The following GMNC variants were observed in gnomAD, a reference collection of about 807,000 sequenced individuals.
The protein encoded by GMNC is geminin coiled-coil domain containing.
Under a neutral mutation model 33.6 loss-of-function variants are expected in GMNC, and 16 were observed. That is an observed-to-expected ratio of 0.48 (90% confidence interval 0.32 to 0.72). GMNC has a LOEUF of 0.72. Among genes scored for constraint, GMNC ranks in the 30% least tolerant of loss-of-function variants. GMNC has a pLI of 0.03. For synonymous variants in GMNC, 156 were observed against 147.3 expected, an observed-to-expected ratio of 1.06 and a Z score of -0.43; for missense variants, 393 against 388.9, an observed-to-expected ratio of 1.01 and a Z score of -0.09.
chr3:190,852,512 C>A (rs1180223116), downstream of GMNC, among the ~76,000 whole-genome samples: 7 of 151,960 alleles, frequency 4.6e-5, no homozygotes, highest in African/African-American at 1.7e-4. Flanking sequence ...GAAAATTTAA[C>A]AAATTGATAC....
At position 190,862,362 on chromosome 3, in the gene GMNC, AAG is replaced by A. The variant is rs371567527; in HGVS notation, c.3+249_3+250del. 1.1e-4 allele frequency among the ~76,000 whole-genome samples: 16 copies of A among 147,546 alleles called. No homozygotes were observed. Among genetic ancestry groups the A allele is most frequent in the Non-Finnish European group, 1.8e-4 (12 of 66,146 alleles). Reference sequence around the variant, plus strand: ...AAGTAAGGAAAGTAGTAATAACAGAAAGAGAGAGAGAGGGCGAGAGAGAGAAA... The same window carrying A: ...AAGTAAGGAAAGTAGTAATAACAGAAAGAGAGAGAGGGCGAGAGAGAGAAA... On this transcript the variant is annotated intron_variant, in intron 1 of 4. Transcript: ENST00000442080. The surrounding 1 kb of genome is among the most constrained non-coding windows in gnomAD (Gnocchi z 4.5).
chr3:190,859,079 T>G, intron 2 of GMNC, 63 bp from the exon 3 acceptor site: 1 of 1,014,838 alleles, frequency 9.9e-7, no homozygotes, highest in Non-Finnish European at 1.5e-6. Flanking sequence ...ATAAAGAAAC[T>G]TATCAAATCA....
At position 190,855,235 on chromosome 3, in the gene GMNC, T is replaced by G. The variant is rs530281164; in HGVS notation, c.*60A>C. The G allele has an allele frequency of 1.1e-4, 159 of 1,493,454 alleles. 1 individual carries two copies. In the South Asian group the frequency reaches 2.0e-3, roughly 19 times the overall value. 92.5% of individuals were successfully genotyped at this position (1,493,454 alleles called of 1,614,324 possible). A position where few individuals can be genotyped will look rare whatever the true frequency, so the allele number is the denominator to read the frequency against. On this transcript the variant is annotated 3_prime_UTR_variant, in exon 5 of 5. Coordinates refer to ENST00000442080, the MANE Select transcript of GMNC (RefSeq NM_001146686.3). ...TGTGTTCCACATAGTCAAATTCAAG[T>G]GCAAGAGAGGTCTTTGTAAACAGAG... is the stretch of plus-strand genomic sequence containing the variant.
At chr3:190,858,724 C>G (rs528348142) in intron 3 of GMNC, among the ~76,000 whole-genome samples, 1 of 152,204 alleles carries the variant, frequency 6.6e-6, no homozygotes, top group Non-Finnish European at 1.5e-5. Flanking sequence ...GAGAGCTTGA[C>G]TGCAGGCCTT....
chr3:190,859,266 A>C (rs1490345165), intron 2 of GMNC, among the ~76,000 whole-genome samples: 3 of 152,336 alleles, frequency 2.0e-5, no homozygotes, highest in Non-Finnish European at 2.9e-5. Context: ...AAGGGGTCAC[A>C]TTCTTGCCTA....
chr3:190,861,293 A>G lies in GMNC; in HGVS notation c.4-435T>C, dbSNP rs912620882. 6.6e-6 allele frequency among the ~76,000 whole-genome samples: 1 copy of G among 152,242 alleles called. No homozygotes were observed. The highest frequency in any genetic ancestry group is 1.5e-5 in the Non-Finnish European group (1 of 68,040). On this transcript the variant is annotated intron_variant, in intron 1 of 4. Transcript: ENST00000442080. The surrounding 1 kb of genome is among the most constrained non-coding windows in gnomAD (Gnocchi z 5.1). ...AAAACTCCTGAAGGACAAAGAACGC[A>G]GAATGCTAAAGCTGAAATGGATGTG... is the stretch of plus-strand genomic sequence containing the variant.
At chr3:190,858,830 T>C (rs1737803101) in intron 3 of GMNC, 98 bp downstream of exon 3, 2 of 671,718 alleles carry the variant, frequency 3.0e-6, no homozygotes, top group African/African-American at 1.8e-5. Flanking sequence ...CTAAACTGAG[T>C]CAGCATGAAT....
rs11378580 is a variant in GMNC at position 190,861,455 on chromosome 3, CATCTATCTATCTATCTATCTATCT to C, written c.4-621_4-598del. On this transcript the variant is annotated intron_variant, in intron 1 of 4. Coordinates refer to ENST00000442080, the MANE Select transcript of GMNC (RefSeq NM_001146686.3). The surrounding 1 kb of genome is among the most constrained non-coding windows in gnomAD (Gnocchi z 5.1). The stretch of plus-strand genomic sequence containing the variant: ...TCTGTCTGTCTGTCTGTCTGCCTAT[CATCTATCTATCTATCTATCTATCT>C]ATCTATCTATCTATCTATCTATCTA... 9.6e-5 allele frequency among the ~76,000 whole-genome samples: 14 copies of C among 146,006 alleles called. No homozygotes were observed. Among genetic ancestry groups the C allele is most frequent in the East Asian group, 8.2e-4 (4 of 4,900 alleles).
intron 2 of GMNC, among the ~76,000 whole-genome samples, chr3:190,860,043 A>T (rs945611896): frequency 6.6e-6 from 1 of 152,236 alleles, no homozygotes; most frequent in Non-Finnish European, 1.5e-5. Context: ...AGCAGAACCA[A>T]CAGTATGGAT....
chr3:190,849,772 A>G (rs140240940), downstream of GMNC, among the ~76,000 whole-genome samples: 20 of 152,334 alleles, frequency 1.3e-4, no homozygotes, highest in Non-Finnish European at 2.4e-4. Context: ...GTGAGGATAG[A>G]CTGACTCCAG....
chr3:190,862,574 G>A lies in GMNC; in HGVS notation c.3+39C>T. The A allele has an allele frequency of 6.7e-7, 1 of 1,492,600 alleles. No individual in the cohort carries two copies. The highest frequency in any genetic ancestry group is 9.2e-7 in the Non-Finnish European group (1 of 1,092,724). 92.5% of individuals were successfully genotyped at this position (1,492,600 alleles called of 1,614,324 possible). ...AGCTTATTAACTTTCAGAGACCCAA[G>A]TTTGCCAGCGGACTAGCTAACGCCA... is the stretch of plus-strand genomic sequence containing the variant. On this transcript the variant is annotated intron_variant, in intron 1 of 4. Transcript: ENST00000442080. This position sits in a 1 kb window ranked among gnomAD's most constrained non-coding sequence, Gnocchi z 4.5.
Position 190,861,605 on chromosome 3 carries a change from GT to G in GMNC, c.4-748del, listed in dbSNP as rs1737873149. On this transcript the variant is annotated intron_variant, in intron 1 of 4. Coordinates refer to ENST00000442080, the MANE Select transcript of GMNC (RefSeq NM_001146686.3). This position sits in a 1 kb window ranked among gnomAD's most constrained non-coding sequence, Gnocchi z 5.1. ...AAACGTATAATCAAAGCTGAAAGAAGTTCGTTAGCAAAGACAGCAAGCTCTA... is the reference window on the plus strand; with the variant it reads ...AAACGTATAATCAAAGCTGAAAGAAGTCGTTAGCAAAGACAGCAAGCTCTA... Among the ~76,000 whole-genome samples the G allele has an allele frequency of 6.6e-6, 1 of 152,148 alleles. No homozygotes were observed. The highest frequency in any genetic ancestry group is 2.1e-4 in the South Asian group (1 of 4,834).
rs201469606 is a variant in GMNC, at chr3:190,860,800, G to C, written c.62C>G (p.Pro21Arg). 27 of 1,551,268 alleles carry C rather than the reference G, an allele frequency of 1.7e-5. No individual in the cohort carries two copies. Among genetic ancestry groups the C allele is most frequent in the Non-Finnish European group, 2.3e-5 (26 of 1,146,826 alleles). Reference sequence around the variant, plus strand: ...AGATTCTGACGTTGTAGTGGAATACGGGCAATTATAGCTCTGGCCTCCTAC... The same window carrying C: ...AGATTCTGACGTTGTAGTGGAATACCGGCAATTATAGCTCTGGCCTCCTAC... Reference protein sequence around the residue: ...YFVGGQSYNCPYSTTTSESSV... With the variant: ...YFVGGQSYNCRYSTTTSESSV... Residue 21 changes from proline (P) to arginine (R), a missense_variant, in exon 2 of 5, where the codon CCG (proline) becomes CGG (arginine). By Grantham distance (103) the Pro-to-Arg change is moderately radical (BLOSUM62 -2). Transcript: ENST00000442080.
At chr3:190,851,582 A>G (rs906340243), downstream of GMNC, among the ~76,000 whole-genome samples, 1 of 152,186 alleles carries the variant, frequency 6.6e-6, no homozygotes, top group African/African-American at 2.4e-5. Context: ...TCATCCTTAT[A>G]TCCTCAGCTG....
rs1252789764 is a variant in GMNC at position 190,855,606 on chromosome 3, C to T, written c.694G>A (p.Asp232Asn). The T allele has an allele frequency of 6.4e-7, 1 of 1,551,564 alleles. No homozygotes were observed. Among genetic ancestry groups the T allele is most frequent in the Non-Finnish European group, 8.7e-7 (1 of 1,146,896 alleles). ...TCCTCTCTGGGGATATTTTTATAAT[C>T]AACTGCATCATCCGGAAACTGGGAA... ...TFSQFPDDAV[D>N]YKNIPREDMP... The change falls in exon 5 of 5, where the codon GAT (aspartate) becomes AAT (asparagine). Residue 232 changes from aspartate (D) to asparagine (N), a missense_variant. By Grantham distance (23) the Asp-to-Asn change is conservative. Transcript: ENST00000442080.
At position 190,855,312 on chromosome 3, in the gene GMNC, C is replaced by T. The variant is rs1440795461; in HGVS notation, c.988G>A (p.Val330Ile). The change falls in exon 5 of 5, where the codon GTC becomes ATC. Residue 330 changes from valine (V) to isoleucine (I), a missense_variant. By Grantham distance (29) the Val-to-Ile change is conservative. Coordinates refer to ENST00000442080, the MANE Select transcript of GMNC (RefSeq NM_001146686.3). The stretch of plus-strand genomic sequence containing the variant: ...AGGGGTCACTAAGACTGCTTAGGGA[C>T]CCAGGTAAACTTCCAGCCTCCCTCC... ...DEEGGWKFTW[V>I]PKQS 6.4e-6 allele frequency: 10 copies of T among 1,551,222 alleles called. No homozygotes were observed. The highest frequency in any genetic ancestry group is 2.7e-5 in the African/African-American group (2 of 72,992).
intron 3 of GMNC, 190 bp from the exon 4 acceptor site, chr3:190,858,089 T>A (rs1200296214): frequency 1.7e-6 from 1 of 578,542 alleles, no homozygotes; most frequent in Non-Finnish European, 3.1e-6. Context: ...TTCAGCTTTG[T>A]GCTCTGAATG....
At chr3:190,845,508 C>CTTTTT in the GMNC span, among the ~76,000 whole-genome samples, 1,289 of 125,704 alleles carry the variant, frequency 0.01, 61 homozygotes, top group African/African-American at 0.038. Flanking sequence ...ATTTTGAAAC[C>CTTTTT]TTTTTTTTTT....
the GMNC span, among the ~76,000 whole-genome samples, chr3:190,845,507 C>CTTT: frequency 2.4e-4 from 32 of 134,648 alleles, no homozygotes; most frequent in African/African-American, 8.6e-4. Context: ...TATTTTGAAA[C>CTTT]CTTTTTTTTT....
Sources: allele counts gnomAD v4.1 joint callset (sites outside exome capture counted in the v4.1 genomes callset), GRCh38; gene constraint gnomAD v4.1.1; non-coding constraint Gnocchi (gnomAD v3.1); transcripts MANE v1.5; gene names NCBI Gene and HGNC (gene_info 2026-07-23, HGNC 2026-07-21).